KNL1: variants seen among roughly 807,000 people sequenced by gnomAD.
KNL1 encodes the protein kinetochore scaffold 1.
In KNL1, 66 loss-of-function variants were observed where a neutral mutation model predicts 201.3. The observed-to-expected ratio is 0.33, with a 90% CI of 0.27 to 0.40. The LOEUF is 0.40. Among genes scored for constraint, KNL1 ranks in the 10% least tolerant of loss-of-function variants. KNL1 has a pLI of 1.00. For synonymous variants in KNL1, 895 were observed against 899.2 expected, an observed-to-expected ratio of 1.00 and a Z score of 0.08; for missense variants, 2,815 against 2,690.5, an observed-to-expected ratio of 1.05 and a Z score of -1.02.
intron 1 of KNL1, 132 bp from the exon 2 acceptor site, chr15:40,602,783 C>T (rs1555418472): frequency 3.7e-6 from 2 of 539,530 alleles, no homozygotes; most frequent in Non-Finnish European, 6.5e-6. Context: ...CTGCGCCCGG[C>T]CTTTCCTTCC....
intron 20 of KNL1, 49 bp from the exon 21 acceptor site, chr15:40,651,951 CTTTTA>C: frequency 7.7e-7 from 1 of 1,290,472 alleles, no homozygotes. Flanking sequence ...CAGAAGTTCT[CTTTTA>C]TGTTAATTTT....
rs1197162854 is a variant in KNL1 at position 40,654,945 on chromosome 15, T to C, written c.6452T>C (p.Ile2151Thr). The change falls in exon 22 of 26, where the codon ATT becomes ACT. Residue 2151 changes from isoleucine to threonine, a missense_variant. By Grantham distance (89) the Ile-to-Thr change is moderately conservative. This residue lies in a region of KNL1 where 334 missense variants were observed against 362.6 expected (regional missense o/e 0.92). Coordinates refer to ENST00000399668, the MANE Select transcript of KNL1 (RefSeq NM_144508.5). ...TTCCTGGACAAGCGTTATAGGAAGA[T>C]TGTTGATGTCAATTTTCAATCTCTG... ...FPFLDKRYRK[I>T]VDVNFQSLLD... The C allele has an allele frequency of 1.9e-6, 3 of 1,613,120 alleles. No individual in the cohort carries two copies. The highest frequency in any genetic ancestry group is 8.5e-7 in the Non-Finnish European group (1 of 1,179,532).
chr15:40,594,838 A>G (rs886290562), intron 1 of KNL1, among the ~76,000 whole-genome samples: 7 of 152,222 alleles, frequency 4.6e-5, no homozygotes, highest in African/African-American at 1.4e-4. Flanking sequence ...TAAAATTCTC[A>G]GCTCTTCGTG....
Position 40,654,985 on chromosome 15 carries a change from G to GA in KNL1, c.6484+12dup. 2 of 1,607,518 alleles carry GA rather than the reference G, an allele frequency of 1.2e-6. No homozygotes were observed. The highest frequency in any genetic ancestry group is 1.7e-6 in the Non-Finnish European group (2 of 1,174,998). ...TTCAATCTCTGTTAGATGGTAAGTA[G>GA]AAAACATTTAAGCCTCTAAAAATTT... On this transcript the variant is annotated intron_variant, in intron 22 of 25. Coordinates refer to ENST00000399668, the MANE Select transcript of KNL1 (RefSeq NM_144508.5).
chr15:40,645,800 AAGAG>A (rs746084680), intron 16 of KNL1, 28 bp downstream of exon 16: 19 of 1,120,002 alleles, frequency 1.7e-5, no homozygotes, highest in East Asian at 1.0e-4. Context: ...ATATCATAGA[AAGAG>A]AGAGATATTA....
Position 40,628,634 on chromosome 15 carries a change from T to C in KNL1, c.5539T>C (p.Ser1847Pro), listed in dbSNP as rs1247771844. The C allele has an allele frequency of 3.1e-6, 5 of 1,603,478 alleles. No homozygotes were observed. The Admixed American group carries it at 6.7e-5, about 22-fold the overall frequency. Reference sequence around the variant, plus strand: ...AGCTTACCGCAGTAGTCAAATGGAATCACAGTTTCTCAGAGATACTATTTG... The same window carrying C: ...AGCTTACCGCAGTAGTCAAATGGAACCACAGTTTCTCAGAGATACTATTTG... The part of the protein sequence containing the change: ...FSTYRSSQME[S>P]QFLRDTICEE... Residue 1847 changes from serine (S) to proline (P), a missense_variant, in exon 12 of 26, where the codon TCA becomes CCA. By Grantham distance (74) the Ser-to-Pro change is moderately conservative (BLOSUM62 -1). Around this residue, in one of 3 missense-constraint regions of KNL1, gnomAD observed 2,464 missense variants for 2,291.7 expected, o/e 1.08. Coordinates refer to ENST00000399668, the MANE Select transcript of KNL1 (RefSeq NM_144508.5).
intron 21 of KNL1, among the ~76,000 whole-genome samples, chr15:40,652,777 A>T (rs905356048): frequency 6.6e-6 from 1 of 151,624 alleles, no homozygotes; most frequent in Admixed American, 6.6e-5. Flanking sequence ...AAAAAAAAAA[A>T]AGAATGAGGC....
Position 40,657,125 on chromosome 15 carries a change from TG to T in KNL1, c.6569del (p.Cys2190LeufsTer17), listed in dbSNP as rs777195595. The T allele has an allele frequency of 6.2e-7, 1 of 1,606,882 alleles. No homozygotes were observed. Among genetic ancestry groups the T allele is most frequent in the Non-Finnish European group, 8.5e-7 (1 of 1,175,746 alleles). On this transcript the variant is annotated frameshift_variant, in exon 23 of 26. Coordinates refer to ENST00000399668, the MANE Select transcript of KNL1 (RefSeq NM_144508.5). LOFTEE classifies it high-confidence loss of function. Reference sequence around the variant, plus strand: ...AGAAAAGGAATCCTGGAAGAAGACATGTACAACCCAGCATCAGTTACCCAAG... The same window carrying T: ...AGAAAAGGAATCCTGGAAGAAGACATTACAACCCAGCATCAGTTACCCAAG... ...VEEKESWKKT[C>X]TTQHQLPKML...
chr15:40,610,983 C>T (rs1892138166), intron 6 of KNL1: 2 of 334,654 alleles, frequency 6.0e-6, no homozygotes, highest in Non-Finnish European at 1.2e-5. Flanking sequence ...CCCCTGGCCT[C>T]AAGTGATCCG....
At chr15:40,620,563 T>C (rs1251340801) in intron 9 of KNL1, 77 bp from the exon 10 acceptor site, 1 of 855,608 alleles carries the variant, frequency 1.2e-6, no homozygotes. Context: ...GAGGATTTTT[T>C]ATATAATACA....
In KNL1 at chr15:40,651,518, T is replaced by C; in HGVS notation, c.6260T>C (p.Ile2087Thr). 6.2e-7 allele frequency: 1 copy of C among 1,610,470 alleles called. No individual in the cohort carries two copies. The highest frequency in any genetic ancestry group is 1.7e-5 in the Admixed American group (1 of 58,976). ...CAAAAAGAGCAGACCCTTGCTCAAA[T>C]AGACTTTATGCAAAAACAAAGAAAT... is the stretch of plus-strand genomic sequence containing the variant. ...EVQKEQTLAQ[I>T]DFMQKQRNRT... Residue 2087 changes from isoleucine (I) to threonine (T), a missense_variant, in exon 20 of 26, where the codon ATA becomes ACA. Physicochemically the swap from Ile to Thr is moderately conservative, Grantham distance 89. Around this residue, in one of 3 missense-constraint regions of KNL1, gnomAD observed 334 missense variants for 362.6 expected, o/e 0.92. Transcript: ENST00000399668.
At chr15:40,643,617 C>T (rs1055583564) in intron 14 of KNL1, among the ~76,000 whole-genome samples, 2 of 152,156 alleles carry the variant, frequency 1.3e-5, no homozygotes, top group African/African-American at 4.8e-5. Flanking sequence ...TGCACTCCAG[C>T]CTGGCAGCCT....
intron 14 of KNL1, among the ~76,000 whole-genome samples, chr15:40,642,354 G>T (rs1163703180): frequency 1.3e-5 from 2 of 150,822 alleles, no homozygotes; most frequent in Non-Finnish European, 2.9e-5. Context: ...AGCTGAGATC[G>T]CACCACTGCA....
At chr15:40,638,508 T>C (rs938292965) in intron 13 of KNL1, among the ~76,000 whole-genome samples, 5 of 152,124 alleles carry the variant, frequency 3.3e-5, no homozygotes, top group Non-Finnish European at 5.9e-5. Context: ...TCTTTTTTTT[T>C]TGAGATGGAG....
At chr15:40,656,970 T>A in intron 22 of KNL1, 72 bp from the exon 23 acceptor site, 1 of 637,544 alleles carries the variant, frequency 1.6e-6, no homozygotes, top group Non-Finnish European at 2.7e-6. Flanking sequence ...TATAATATAG[T>A]ATTTTTCACT....
chr15:40,631,640 CAA>C (rs745804150), intron 13 of KNL1, among the ~76,000 whole-genome samples: 1 of 151,404 alleles, frequency 6.6e-6, no homozygotes, highest in Non-Finnish European at 1.5e-5. Flanking sequence ...ATAATATCCA[CAA>C]AAAAGATAGG....
chr15:40,631,278 G>T (rs1010968474), intron 13 of KNL1, among the ~76,000 whole-genome samples: 1 of 151,616 alleles, frequency 6.6e-6, no homozygotes, highest in Non-Finnish European at 1.5e-5. Context: ...GACTGCTGTT[G>T]TAGACAACAT....
At chr15:40,599,518 G>A (rs964360147) in intron 1 of KNL1, among the ~76,000 whole-genome samples, 2 of 150,556 alleles carry the variant, frequency 1.3e-5, no homozygotes, top group African/African-American at 4.9e-5. Flanking sequence ...AGAGTAGCTG[G>A]GACTACATGT....
intron 13 of KNL1, among the ~76,000 whole-genome samples, chr15:40,630,836 C>G (rs932989470): frequency 3.3e-5 from 5 of 152,060 alleles, no homozygotes; most frequent in African/African-American, 1.2e-4. Context: ...AAATAAAGTT[C>G]AGACTGGGCA....
Sources: gnomAD v4.1 joint callset for allele counts (sites outside exome capture counted in the v4.1 genomes callset) on GRCh38, gnomAD v4.1.1 for gene constraint, gnomAD v4.1.1 regional missense constraint, MANE v1.5 for transcripts, NCBI Gene and HGNC (gene_info 2026-07-23, HGNC 2026-07-21) for gene names.